The following NLRP4 variants were observed in gnomAD, a reference collection of about 807,000 sequenced individuals.
NLRP4 encodes NACHT, LRR and PYD domains-containing protein 4.
In NLRP4, 44 loss-of-function variants were observed where a neutral mutation model predicts 84.7. That is an observed-to-expected ratio of 0.52 (90% CI 0.41 to 0.67). The LOEUF (loss-of-function observed/expected upper bound fraction) is 0.67. NLRP4 is among the 30% of genes least tolerant of loss of function. NLRP4 has a pLI of 0.00. For missense variants in NLRP4, 1,260 were observed against 1,219.4 expected, an observed-to-expected ratio of 1.03 and a Z score of -0.50; for synonymous variants, 544 against 476.4, an observed-to-expected ratio of 1.14 and a Z score of -1.85.
At chr19:55,838,121 C>G (rs980019915) in intron 1 of NLRP4, among the ~76,000 whole-genome samples, 16 of 149,430 alleles carry the variant, frequency 1.1e-4, no homozygotes, top group African/African-American at 3.5e-4. Context: ...GGGTTCGAGA[C>G]CAGCCTGACC....
chr19:55,876,679 A>G (rs1444421414), intron 7 of NLRP4, among the ~76,000 whole-genome samples: 4 of 152,122 alleles, frequency 2.6e-5, no homozygotes, highest in African/African-American at 4.8e-5. Flanking sequence ...GTGTTTGCAT[A>G]TAATGTACAG....
chr19:55,866,043 C>G (rs1600235978), intron 5 of NLRP4, among the ~76,000 whole-genome samples: 1 of 150,836 alleles, frequency 6.6e-6, no homozygotes, highest in Non-Finnish European at 1.5e-5. Context: ...TTTTTTTTTC[C>G]CCCAAATTTG....
At chr19:55,846,236 T>C (rs557082846) in intron 1 of NLRP4, among the ~76,000 whole-genome samples, 1 of 152,168 alleles carries the variant, frequency 6.6e-6, no homozygotes, top group African/African-American at 2.4e-5. Context: ...AGCTTTCTAC[T>C]TACGGCTAGC....
At chr19:55,840,348 G>GTA (rs1402649422) in intron 1 of NLRP4, among the ~76,000 whole-genome samples, 2 of 105,164 alleles carry the variant, frequency 1.9e-5, no homozygotes, top group East Asian at 6.6e-4. Context: ...ATGTGTATGT[G>GTA]TGTGTGTGTG....
intron 1 of NLRP4, among the ~76,000 whole-genome samples, chr19:55,849,859 G>C (rs1983957644): frequency 6.8e-6 from 1 of 146,652 alleles, no homozygotes; most frequent in Non-Finnish European, 1.5e-5. Context: ...CGAGACTGCG[G>C]TGTAATTTCC....
At chr19:55,863,631 C>T (rs543754993) in intron 5 of NLRP4, among the ~76,000 whole-genome samples, 11 of 152,160 alleles carry the variant, frequency 7.2e-5, no homozygotes, top group Admixed American at 2.0e-4. Context: ...TACAGTTCGA[C>T]GTGAGGGTTG....
At chr19:55,867,147 C>G (rs1462091580) in intron 5 of NLRP4, among the ~76,000 whole-genome samples, 4 of 150,476 alleles carry the variant, frequency 2.7e-5, no homozygotes, top group Admixed American at 2.6e-4. Flanking sequence ...TTGGCTGTCT[C>G]TGTACCCCAG....
Position 55,870,387 on chromosome 19 carries a change from C to T in NLRP4, c.2355-440C>T, listed in dbSNP as rs73060181. On this transcript the variant is annotated intron_variant, in intron 6 of 9. Transcript: ENST00000301295. ...ACTAAGAAGAAATGAGAGGGCCGGACGCGGTGGCTCACGCCTTGTAATCCC... is the reference window on the plus strand; with the variant it reads ...ACTAAGAAGAAATGAGAGGGCCGGATGCGGTGGCTCACGCCTTGTAATCCC... 7.4e-3 allele frequency among the ~76,000 whole-genome samples: 1,121 copies of T among 152,274 alleles called. 5 individuals are homozygous for T. Among genetic ancestry groups the T allele is most frequent in the Middle Eastern group, 0.017 (5 of 294 alleles).
intron 1 of NLRP4, among the ~76,000 whole-genome samples, chr19:55,839,978 T>C (rs563503008): frequency 1.3e-4 from 20 of 152,236 alleles, no homozygotes; most frequent in South Asian, 2.1e-4. Flanking sequence ...AGAAGTATGT[T>C]TCTTAATTTT....
At chr19:55,869,293 G>A (rs1428351262) in intron 6 of NLRP4, among the ~76,000 whole-genome samples, 10 of 152,002 alleles carry the variant, frequency 6.6e-5, no homozygotes, top group Non-Finnish European at 1.3e-4. Flanking sequence ...GAACCTGGGA[G>A]GCAGAGGTTG....
intron 1 of NLRP4, among the ~76,000 whole-genome samples, chr19:55,840,557 A>AT (rs1244533520): frequency 6.6e-6 from 1 of 151,540 alleles, no homozygotes; most frequent in Non-Finnish European, 1.5e-5. Context: ...CTAATTTATT[A>AT]TTTTTTATTT....
rs1341085186 is a variant in NLRP4, at chr19:55,871,440, GACAA to G, written c.2525+445_2525+448del. The stretch of plus-strand genomic sequence containing the variant: ...TGTAACAGAGAATGCTTTAGAAGAA[GACAA>G]AGGGTAGCATGAGATGAGCCAGAAA... On this transcript the variant is annotated intron_variant, in intron 7 of 9. Transcript: ENST00000301295. 3.9e-5 allele frequency among the ~76,000 whole-genome samples: 6 copies of G among 152,282 alleles called. No homozygotes were observed. In the South Asian group the frequency reaches 1.2e-3, roughly 32 times the overall value.
chr19:55,854,764 G>A (rs561622229), intron 2 of NLRP4, among the ~76,000 whole-genome samples: 82 of 152,128 alleles, frequency 5.4e-4, no homozygotes, highest in African/African-American at 1.9e-3. Context: ...TTTCACCCAG[G>A]CTGGAGTAAA....
At chr19:55,838,746 T>C (rs1306253069) in intron 1 of NLRP4, among the ~76,000 whole-genome samples, 1 of 152,182 alleles carries the variant, frequency 6.6e-6, no homozygotes, top group Non-Finnish European at 1.5e-5. Flanking sequence ...TGTACAAATT[T>C]ACATCTAATA....
intron 1 of NLRP4, among the ~76,000 whole-genome samples, chr19:55,845,293 T>TG (rs1983753208): frequency 2.0e-5 from 3 of 151,294 alleles, no homozygotes; most frequent in Admixed American, 2.0e-4. Context: ...TTTTTGTCCT[T>TG]GCAATAGTTT....
At chr19:55,841,605 G>A (rs1983615996) in intron 1 of NLRP4, among the ~76,000 whole-genome samples, 1 of 152,178 alleles carries the variant, frequency 6.6e-6, no homozygotes, top group African/African-American at 2.4e-5. Context: ...GCTCATGCCT[G>A]TAATCCCAGC....
At chr19:55,856,877 C>T (rs1182916349) in intron 2 of NLRP4, among the ~76,000 whole-genome samples, 1 of 152,148 alleles carries the variant, frequency 6.6e-6, no homozygotes, top group African/African-American at 2.4e-5. Flanking sequence ...AGCTCACTGG[C>T]ATAAAGTTGG....
At chr19:55,866,275 G>A (rs563901971) in intron 5 of NLRP4, among the ~76,000 whole-genome samples, 6 of 152,162 alleles carry the variant, frequency 3.9e-5, no homozygotes, top group African/African-American at 7.2e-5. Context: ...CTCATGTTCC[G>A]CCCTCCTTGG....
chr19:55,868,016 G>C (rs184408340), intron 6 of NLRP4, 140 bp downstream of exon 6: 8 of 738,342 alleles, frequency 1.1e-5, no homozygotes, highest in Non-Finnish European at 1.8e-5. Flanking sequence ...GAAAAGACTT[G>C]AGTTCTAGTT....
Sources: allele counts gnomAD v4.1 joint callset (sites outside exome capture counted in the v4.1 genomes callset), GRCh38; gene constraint gnomAD v4.1.1; transcripts MANE v1.5; gene names NCBI Gene and HGNC (gene_info 2026-07-23, HGNC 2026-07-21).